The following WNT6 variants were observed in gnomAD, a reference collection of about 807,000 sequenced individuals.
WNT6 encodes Wnt family member 6.
In WNT6, 27 loss-of-function variants were observed where a neutral mutation model predicts 33.1. The observed-to-expected ratio is 0.82, with a 90% CI of 0.60 to 1.12. WNT6 has a LOEUF of 1.12. Among genes scored for constraint, WNT6 ranks in the 50% most tolerant of loss-of-function variants. The pLI is 0.00. For synonymous variants in WNT6, 249 were observed against 242.8 expected, an observed-to-expected ratio of 1.03 and a Z score of -0.24; for missense variants, 494 against 535.3, an observed-to-expected ratio of 0.92 and a Z score of 0.76.
Position 218,873,460 on chromosome 2 carries a change from A to T in WNT6, c.713A>T (p.Gln238Leu). The T allele has an allele frequency of 6.5e-7, 1 of 1,538,950 alleles. No individual in the cohort carries two copies. Among genetic ancestry groups the T allele is most frequent in the African/African-American group, 1.4e-5 (1 of 73,154 alleles). ...TCATGCGCGCTGCGCACCTGCTGGCAGAAGCTGCCTCCATTTCGCGAGGTG... is the reference window on the plus strand; with the variant it reads ...TCATGCGCGCTGCGCACCTGCTGGCTGAAGCTGCCTCCATTTCGCGAGGTG... ...SGSCALRTCW[Q>L]KLPPFREVGA... is the part of the protein sequence containing the mutation. Residue 238 changes from glutamine to leucine, a missense_variant, in exon 4 of 4, where the codon CAG becomes CTG. By Grantham distance (113) the Gln-to-Leu change is moderately radical. Transcript: ENST00000233948. The surrounding 1 kb of genome is among the most constrained non-coding windows in gnomAD (Gnocchi z 6.1).
chr2:218,872,555 T>G (rs1944412158), intron 3 of WNT6, among the ~76,000 whole-genome samples: 1 of 152,114 alleles, frequency 6.6e-6, no homozygotes, highest in African/African-American at 2.4e-5. Context: ...CTGGGTGTGA[T>G]GGTTCCAGGA....
chr2:218,860,227 C>G (rs1278831206), intron 1 of WNT6, 110 bp downstream of exon 1: 1 of 1,096,382 alleles, frequency 9.1e-7, no homozygotes, highest in Non-Finnish European at 1.2e-6. Flanking sequence ...CTCTCCGAGC[C>G]CAGCTTTCTG....
chr2:218,860,077 C>A lies in WNT6; in HGVS notation c.40C>A (p.Leu14Met). ...ACCCTCCCGCCTCGGGCTGCTGCTG[C>A]TGCTGCTCCTGTGCCCGGCGCACGT... ...PLPSRLGLLL[L>M]LLLCPAHVGG... is the part of the protein sequence containing the mutation. Residue 14 changes from leucine to methionine, a missense_variant, in exon 1 of 4, where the codon CTG (leucine) becomes ATG (methionine). Coordinates refer to ENST00000233948, the MANE Select transcript of WNT6 (RefSeq NM_006522.4). 1 of 1,526,324 alleles carries A rather than the reference C, an allele frequency of 6.6e-7. No homozygotes were observed. The allele number at this position is 1,526,324 out of a possible 1,614,324, so 94.5% of individuals were successfully genotyped here. A position where few individuals can be genotyped will look rare whatever the true frequency, so the allele number is the denominator to read the frequency against.
intron 1 of WNT6, 115 bp from the exon 2 acceptor site, chr2:218,870,912 G>C (rs1434856270): frequency 1.1e-6 from 1 of 936,140 alleles, no homozygotes; most frequent in East Asian, 2.5e-5. Flanking sequence ...TTGGAGGTAG[G>C]GTGGGAGGGC....
chr2:218,860,520 C>T (rs1944298498), intron 1 of WNT6, among the ~76,000 whole-genome samples: 1 of 152,184 alleles, frequency 6.6e-6, no homozygotes, highest in African/African-American at 2.4e-5. Flanking sequence ...ACACAGCTGC[C>T]CCTTCCCCGC....
chr2:218,861,601 T>C (rs767290573), intron 1 of WNT6, among the ~76,000 whole-genome samples: 1 of 152,100 alleles, frequency 6.6e-6, no homozygotes, highest in Non-Finnish European at 1.5e-5. Context: ...TCATTTACAT[T>C]TAAAATCCAG....
intron 1 of WNT6, among the ~76,000 whole-genome samples, chr2:218,860,676 G>T (rs891573581): frequency 2.0e-5 from 3 of 152,166 alleles, no homozygotes; most frequent in African/African-American, 7.2e-5. Context: ...AAGGAGGAGC[G>T]GAAGGAACCG....
intron 1 of WNT6, among the ~76,000 whole-genome samples, chr2:218,863,018 T>A (rs1191445579): frequency 2.6e-5 from 4 of 152,240 alleles, no homozygotes; most frequent in Non-Finnish European, 5.9e-5. Flanking sequence ...TGTCTATTTC[T>A]GACACTTCAT....
In WNT6 at chr2:218,874,058, CG is replaced by C. The variant is rs1454584895; in HGVS notation, c.*217del. ...CGCCAGACGGCCCCGAAAAGGCGCT[CG>C]GGGAGCGTTTAAAGGACACTGTACA... is the stretch of plus-strand genomic sequence containing the variant. On this transcript the variant is annotated 3_prime_UTR_variant, in exon 4 of 4. Coordinates refer to ENST00000233948, the MANE Select transcript of WNT6 (RefSeq NM_006522.4). The C allele has an allele frequency of 3.4e-5, 19 of 560,070 alleles. No individual in the cohort carries two copies. The highest frequency in any genetic ancestry group is 5.1e-5 in the Non-Finnish European group (17 of 333,996). The allele number at this position is 560,070 out of a possible 1,614,324, so 34.7% of individuals were successfully genotyped here.
chr2:218,864,604 C>T (rs1575223168), intron 1 of WNT6, among the ~76,000 whole-genome samples: 1 of 152,314 alleles, frequency 6.6e-6, no homozygotes, highest in Middle Eastern at 3.4e-3. Context: ...TAACCCTCCC[C>T]TTGTTCCACT....
intron 1 of WNT6, 84 bp from the exon 2 acceptor site, chr2:218,870,943 G>A (rs1347522431): frequency 2.3e-6 from 3 of 1,318,274 alleles, no homozygotes; most frequent in Non-Finnish European, 3.1e-6. Context: ...TCCCGCTGCG[G>A]GCTGAGTGGG....
intron 1 of WNT6, among the ~76,000 whole-genome samples, chr2:218,866,721 C>T (rs1944357495): frequency 6.6e-6 from 1 of 152,178 alleles, no homozygotes; most frequent in Non-Finnish European, 1.5e-5. Flanking sequence ...GCTTCACATG[C>T]TAGGGACTCA....
rs770754878 is a variant in WNT6, at chr2:218,871,637, C to T, written c.454C>T (p.Pro152Ser). 6.7e-7 allele frequency: 1 copy of T among 1,483,280 alleles called. No individual in the cohort carries two copies. Among genetic ancestry groups the T allele is most frequent in the Non-Finnish European group, 8.9e-7 (1 of 1,121,340 alleles). The allele number at this position is 1,483,280 out of a possible 1,614,324, so 91.9% of individuals were successfully genotyped here. A position where few individuals can be genotyped will look rare whatever the true frequency, so the allele number is the denominator to read the frequency against. ...PPRPSGLPGT[P>S]GPPGPAGSPE... The stretch of plus-strand genomic sequence containing the variant: ...CCGGCCCTCCGGCCTGCCCGGCACC[C>T]CCGGACCCCCTGGCCCCGCGGGCTC... The change falls in exon 3 of 4, where the codon CCC becomes TCC. Residue 152 changes from proline (P) to serine (S), a missense_variant. Transcript: ENST00000233948. This position sits in a 1 kb window ranked among gnomAD's most constrained non-coding sequence, Gnocchi z 6.4.
intron 1 of WNT6, among the ~76,000 whole-genome samples, chr2:218,869,120 A>C (rs371929157): frequency 6.6e-6 from 1 of 152,204 alleles, no homozygotes. Context: ...TTAAGCACGC[A>C]GGAAGGAAGA....
At chr2:218,860,981 A>G (rs903358807) in intron 1 of WNT6, among the ~76,000 whole-genome samples, 9 of 152,202 alleles carry the variant, frequency 5.9e-5, no homozygotes, top group Non-Finnish European at 8.8e-5. Context: ...AGGTCTCCAG[A>G]GCCGCAAACC....
At chr2:218,866,875 G>A (rs1355996766) in intron 1 of WNT6, among the ~76,000 whole-genome samples, 1 of 152,158 alleles carries the variant, frequency 6.6e-6, no homozygotes, top group Non-Finnish European at 1.5e-5. Context: ...AGAAAGATAA[G>A]ACAAGCAAAC....
chr2:218,873,699 A>C lies in WNT6; in HGVS notation c.952A>C (p.Ser318Arg). ...CTGCAATAGCAGCGCCCCGGACCTCAGCGGCTGCGACCTGCTGTGCTGCGG... is the reference window on the plus strand; with the variant it reads ...CTGCAATAGCAGCGCCCCGGACCTCCGCGGCTGCGACCTGCTGTGCTGCGG... ...RACNSSAPDLSGCDLLCCGRG... is the reference protein window; with the variant it reads ...RACNSSAPDLRGCDLLCCGRG... The change falls in exon 4 of 4, where the codon AGC (serine) becomes CGC (arginine). Residue 318 changes from serine to arginine, a missense_variant. By Grantham distance (110) the Ser-to-Arg change is moderately radical. Transcript: ENST00000233948. The surrounding 1 kb of genome is among the most constrained non-coding windows in gnomAD (Gnocchi z 6.1). The C allele has an allele frequency of 6.3e-7, 1 of 1,575,704 alleles. No individual in the cohort carries two copies. Among genetic ancestry groups the C allele is most frequent in the Non-Finnish European group, 8.6e-7 (1 of 1,167,672 alleles).
chr2:218,869,815 G>A (rs899570811), intron 1 of WNT6, among the ~76,000 whole-genome samples: 13 of 152,324 alleles, frequency 8.5e-5, no homozygotes, highest in Admixed American at 3.9e-4. Context: ...CTGGAAGTGC[G>A]TGAGACTTCC....
rs1202755027 is a variant in WNT6 at position 218,871,442 on chromosome 2, G to T, written c.302-43G>T. On this transcript the variant is annotated intron_variant, in intron 2 of 3. Coordinates refer to ENST00000233948, the MANE Select transcript of WNT6 (RefSeq NM_006522.4). This position sits in a 1 kb window ranked among gnomAD's most constrained non-coding sequence, Gnocchi z 6.4. The stretch of plus-strand genomic sequence containing the variant: ...AGGTTTCAGGTCCCAGGCCCCAGCT[G>T]ACCGCCCCAGCCCGCGCTGATTGCA... The T allele has an allele frequency of 1.3e-6, 2 of 1,584,048 alleles. No individual in the cohort carries two copies. The highest frequency in any genetic ancestry group is 1.3e-5 in the African/African-American group (1 of 74,562).
Sources: allele counts gnomAD v4.1 joint callset (sites outside exome capture counted in the v4.1 genomes callset), GRCh38; gene constraint gnomAD v4.1.1; non-coding constraint Gnocchi (gnomAD v3.1); transcripts MANE v1.5; gene names NCBI Gene and HGNC (gene_info 2026-07-23, HGNC 2026-07-21).